Variants in SUMF1 observed in about 807,000 individuals in gnomAD.
SUMF1 encodes the protein sulfatase modifying factor 1.
A neutral mutation model predicts 47.6 loss-of-function variants in SUMF1; 48 were observed. The ratio of observed to expected loss-of-function variants is 1.01; its 90% CI spans 0.80 to 1.28. The LOEUF (loss-of-function observed/expected upper bound fraction) is 1.28. Among genes scored for constraint, SUMF1 ranks in the 50% most tolerant of loss-of-function variants. The probability of loss-of-function intolerance (pLI) is 0.00; values close to 1 mark genes in which losing one functional copy is unlikely to be tolerated. For synonymous variants in SUMF1, 230 were observed against 192.1 expected (o/e 1.20, Z -1.63); for missense variants, 571 against 485.4 (o/e 1.18, Z -1.66).
intron 8 of SUMF1, among the ~76,000 whole-genome samples, chr3:4,092,265 G>A (rs1225610755): frequency 2.0e-5 from 3 of 152,072 alleles, no homozygotes; most frequent in Non-Finnish European, 4.4e-5. Flanking sequence ...CTGTCCAAAG[G>A]AGAGATAGCA....
At chr3:4,449,570 T>C (rs974443164) in intron 2 of SUMF1, among the ~76,000 whole-genome samples, 7 of 152,230 alleles carry the variant, frequency 4.6e-5, no homozygotes, top group African/African-American at 1.7e-4. Flanking sequence ...CTGATAAGAA[T>C]GCAGACTGAA....
At chr3:4,087,386 T>A (rs906804129) in intron 8 of SUMF1, among the ~76,000 whole-genome samples, 1 of 152,110 alleles carries the variant, frequency 6.6e-6, no homozygotes, top group Admixed American at 6.6e-5. Context: ...ACCATTCCCA[T>A]CTTGCAGGTG....
At chr3:4,372,084 G>T (rs912540309) in intron 8 of SUMF1, among the ~76,000 whole-genome samples, 13 of 152,180 alleles carry the variant, frequency 8.5e-5, no homozygotes, top group African/African-American at 3.1e-4. Flanking sequence ...AAGGCGGGAG[G>T]ATCACTTAAG....
intron 1 of SUMF1, among the ~76,000 whole-genome samples, chr3:4,465,041 A>G (rs1483160342): frequency 6.6e-6 from 1 of 152,260 alleles, no homozygotes; most frequent in Non-Finnish European, 1.5e-5. Context: ...AGAGGAAAAT[A>G]GAATGTTTAA....
chr3:4,232,201 A>C (rs117012530), intron 8 of SUMF1, among the ~76,000 whole-genome samples: 1 of 152,258 alleles, frequency 6.6e-6, no homozygotes, highest in East Asian at 1.9e-4. Flanking sequence ...TGTCAGACCC[A>C]ATAGGAGCCT....
At chr3:4,339,590 T>A (rs1699226722) in intron 8 of SUMF1, among the ~76,000 whole-genome samples, 1 of 152,194 alleles carries the variant, frequency 6.6e-6, no homozygotes, top group Non-Finnish European at 1.5e-5. Flanking sequence ...TCTTTAGATT[T>A]CTGCATCAAC....
At chr3:4,385,907 T>C (rs1461558970) in intron 7 of SUMF1, among the ~76,000 whole-genome samples, 3 of 152,218 alleles carry the variant, frequency 2.0e-5, no homozygotes, top group East Asian at 3.8e-4. Flanking sequence ...TTAAATTGCT[T>C]TGGCAACTTT....
At chr3:4,230,409 T>C (rs1173541671) in intron 8 of SUMF1, among the ~76,000 whole-genome samples, 2 of 152,116 alleles carry the variant, frequency 1.3e-5, no homozygotes, top group Non-Finnish European at 2.9e-5. Context: ...CTTTCTGTTT[T>C]GATAATTTGG....
At chr3:4,463,350 C>T (rs1008965752) in intron 1 of SUMF1, among the ~76,000 whole-genome samples, 7 of 152,100 alleles carry the variant, frequency 4.6e-5, no homozygotes, top group Non-Finnish European at 1.0e-4. Context: ...ATTGGCCAGG[C>T]GTGGTGGCAG....
intron 8 of SUMF1, among the ~76,000 whole-genome samples, chr3:4,102,355 A>T (rs994200993): frequency 1.3e-5 from 2 of 152,168 alleles, no homozygotes; most frequent in Non-Finnish European, 2.9e-5. Flanking sequence ...CAAAATGGCC[A>T]TCAAGAAACC....
intron 8 of SUMF1, among the ~76,000 whole-genome samples, chr3:4,069,108 T>C (rs1695452486): frequency 6.6e-6 from 1 of 152,172 alleles, no homozygotes; most frequent in Admixed American, 6.5e-5. Context: ...AATGGAGCCA[T>C]TGTTATGACA....
chr3:4,106,734 G>T (rs575270089), intron 8 of SUMF1, among the ~76,000 whole-genome samples: 137 of 152,168 alleles, frequency 9.0e-4, no homozygotes, highest in African/African-American at 3.0e-3. Context: ...CCCAATGAGG[G>T]TTTGCTGGTT....
chr3:4,431,844 C>T (rs1186098838), intron 3 of SUMF1, among the ~76,000 whole-genome samples: 1 of 152,084 alleles, frequency 6.6e-6, no homozygotes, highest in Admixed American at 6.6e-5. Context: ...TTAAGAGCAT[C>T]CCATTTCGCT....
chr3:4,108,454 C>A (rs889175199), intron 8 of SUMF1, among the ~76,000 whole-genome samples: 5 of 152,082 alleles, frequency 3.3e-5, no homozygotes, highest in African/African-American at 1.2e-4. Flanking sequence ...TGGTGCAGAG[C>A]TGAGTTCAAT....
rs114030216 is a variant in SUMF1 at position 4,416,995 on chromosome 3, C to A, written c.840+133G>T. ...TCTGTTTAATTATTAGTATTTGCTA[C>A]GTGCAACAGTGAATGCATACACGAA... is the stretch of plus-strand genomic sequence containing the variant. On this transcript the variant is annotated intron_variant, in intron 6 of 8. Transcript: ENST00000272902. 2,747 of 797,612 alleles carry A rather than the reference C, an allele frequency of 3.4e-3. 55 individuals are homozygous for A. In the African/African-American group the frequency reaches 0.04, roughly 12 times the overall value. 49.4% of individuals were successfully genotyped at this position (797,612 alleles called of 1,614,324 possible).
chr3:4,048,644 C>T (rs1360691105), intron 9 of SUMF1, among the ~76,000 whole-genome samples: 2 of 151,828 alleles, frequency 1.3e-5, no homozygotes, highest in East Asian at 1.9e-4. Context: ...CTTTTTTAGG[C>T]CCTAACTCCA....
At chr3:4,170,948 A>C (rs182567485) in intron 8 of SUMF1, among the ~76,000 whole-genome samples, 7 of 152,308 alleles carry the variant, frequency 4.6e-5, no homozygotes, top group Non-Finnish European at 1.0e-4. Flanking sequence ...AAGATGGAAA[A>C]GTTGAAAAAG....
At chr3:4,368,537 C>T (rs1210058538) in intron 8 of SUMF1, among the ~76,000 whole-genome samples, 2 of 152,108 alleles carry the variant, frequency 1.3e-5, no homozygotes, top group Admixed American at 6.5e-5. Context: ...CACATGCACA[C>T]GTATGTTTAT....
In SUMF1 at chr3:4,316,193, CTGTTTA is replaced by C. The variant is rs1192236343; in HGVS notation, c.1014+60131_1014+60136del. 27 of 666,864 alleles carry C rather than the reference CTGTTTA, an allele frequency of 4.0e-5. 2 individuals carry two copies. The highest frequency in any genetic ancestry group is 2.6e-4 in the South Asian group (16 of 60,628). 41.3% of individuals were successfully genotyped at this position (666,864 alleles called of 1,614,324 possible). A position where few individuals can be genotyped will look rare whatever the true frequency, so the allele number is the denominator to read the frequency against. On this transcript the variant is annotated intron_variant and NMD_transcript_variant, in intron 8 of 12. Coordinates refer to the SUMF1 transcript ENST00000448413. ...TTTTTTGCTAATGACATCTTACTTG[CTGTTTA>C]TGTTTATTTTAGACTATGAAAATGA...
Sources: gnomAD v4.1 joint callset for allele counts (sites outside exome capture counted in the v4.1 genomes callset) on GRCh38, gnomAD v4.1.1 for gene constraint, MANE v1.5 for transcripts, NCBI Gene and HGNC (gene_info 2026-07-23, HGNC 2026-07-21) for gene names.